FAM117B: variants seen among roughly 807,000 people sequenced by gnomAD.
FAM117B encodes protein FAM117B.
FAM117B carries 22 observed loss-of-function variants against 52.8 expected under a neutral mutation model. The ratio of observed to expected loss-of-function variants is 0.42; its 90% CI spans 0.30 to 0.59. FAM117B has a LOEUF of 0.59. Among genes scored for constraint, FAM117B ranks in the 20% least tolerant of loss-of-function variants. The pLI, the probability that FAM117B is intolerant of heterozygous loss-of-function variation, is 0.22. For missense variants in FAM117B, 678 were observed against 802.6 expected (o/e 0.84, Z 1.88); for synonymous variants, 309 against 324.1 (o/e 0.95, Z 0.50).
At chr2:202,706,512 A>C (rs1690870497) in intron 2 of FAM117B, among the ~76,000 whole-genome samples, 1 of 152,230 alleles carries the variant, frequency 6.6e-6, no homozygotes, top group South Asian at 2.1e-4. Context: ...TGATTAAAAC[A>C]ATAAAAGTTG....
chr2:202,691,831 G>C (rs533181351), intron 1 of FAM117B, among the ~76,000 whole-genome samples: 1 of 152,252 alleles, frequency 6.6e-6, no homozygotes, highest in African/African-American at 2.4e-5. Context: ...AGTTAATAAT[G>C]TGGGTACATA....
intron 1 of FAM117B, among the ~76,000 whole-genome samples, chr2:202,674,729 C>G (rs1690350042): frequency 6.6e-6 from 1 of 152,216 alleles, no homozygotes; most frequent in Non-Finnish European, 1.5e-5. Context: ...AAATACAAGT[C>G]TAATTGTCAT....
At position 202,635,226 on chromosome 2, in the gene FAM117B, G is replaced by A. The variant is rs193178985; in HGVS notation, c.39G>A (p.Pro13=). ...TGAGGCGCAATGGGTCCCCCACGCC[G>A]GCCGGCTCCCTTGGGGGTGGTGCGG... The part of the protein sequence containing the change: ...QRVRRNGSPT[P]AGSLGGGAVA... Residue 13 remains proline (P), a synonymous_variant, in exon 1 of 8, where the codon CCG becomes CCA. Transcript: ENST00000392238. The A allele has an allele frequency of 9.5e-3, 12,354 of 1,306,924 alleles. 66 individuals are homozygous for A. Among genetic ancestry groups the A allele is most frequent in the Non-Finnish European group, 0.011 (11,007 of 1,026,580 alleles). The allele number at this position is 1,306,924 out of a possible 1,614,324, so 81.0% of individuals were successfully genotyped here.
At position 202,712,297 on chromosome 2, in the gene FAM117B, A is replaced by G. The variant is rs538946757; in HGVS notation, c.754-12620A>G. Among the ~76,000 whole-genome samples, 63 of 151,390 alleles carry G rather than the reference A, an allele frequency of 4.2e-4. No homozygotes were observed. The South Asian group carries it at 0.01, about 25-fold the overall frequency. On this transcript the variant is annotated intron_variant, in intron 2 of 7. Coordinates refer to ENST00000392238, the MANE Select transcript of FAM117B (RefSeq NM_173511.4). ...TAGGTGTTTTATTTTATTTGTAGCT[A>G]TTGTAAATGGAATTACTTTGCTGAT...
At chr2:202,637,695 C>T (rs1384830138) in intron 1 of FAM117B, among the ~76,000 whole-genome samples, 1 of 152,126 alleles carries the variant, frequency 6.6e-6, no homozygotes, top group Non-Finnish European at 1.5e-5. Flanking sequence ...TTAACCCTCA[C>T]TATAGCTTTT....
chr2:202,705,986 T>C (rs1025867687), intron 2 of FAM117B, among the ~76,000 whole-genome samples: 3 of 152,210 alleles, frequency 2.0e-5, no homozygotes, highest in Non-Finnish European at 2.9e-5. Context: ...GTGATTGATG[T>C]CTGGTTTTCT....
At chr2:202,677,531 T>G (rs1396632038) in intron 1 of FAM117B, among the ~76,000 whole-genome samples, 1 of 152,230 alleles carries the variant, frequency 6.6e-6, no homozygotes, top group East Asian at 1.9e-4. Context: ...TTTGTATTTC[T>G]CGCTAGGCTA....
intron 1 of FAM117B, among the ~76,000 whole-genome samples, chr2:202,638,572 AAAAT>A (rs72409125): frequency 0.089 from 13,559 of 151,780 alleles, 2,013 homozygotes; most frequent in African/African-American, 0.31. Flanking sequence ...CTCCCCTATC[AAAAT>A]AAATAAATAA....
rs189160009 is a variant in FAM117B at position 202,744,250 on chromosome 2, A to G, written c.961-11288A>G. 2.8e-3 allele frequency among the ~76,000 whole-genome samples: 420 copies of G among 152,372 alleles called. 3 individuals are homozygous for G. The highest frequency in any genetic ancestry group is 9.7e-3 in the African/African-American group (405 of 41,584). On this transcript the variant is annotated intron_variant, in intron 4 of 7. Transcript: ENST00000392238. The stretch of plus-strand genomic sequence containing the variant: ...TGGCTTGTGGTTCTGTAGACTGTCC[A>G]GAACCTCAGACTGCATCCACTCATG...
chr2:202,689,525 T>C (rs1690590801), intron 1 of FAM117B, among the ~76,000 whole-genome samples: 1 of 152,224 alleles, frequency 6.6e-6, no homozygotes, highest in South Asian at 2.1e-4. Context: ...ATATTTATCA[T>C]TTGTATACTT....
intron 2 of FAM117B, 84 bp downstream of exon 2, chr2:202,696,116 C>G (rs1413113691): frequency 7.0e-7 from 1 of 1,423,752 alleles, no homozygotes; most frequent in Non-Finnish European, 9.5e-7. Context: ...TTGAGTAGAA[C>G]AAACATTTAG....
intron 4 of FAM117B, among the ~76,000 whole-genome samples, chr2:202,739,447 C>A (rs1478884763): frequency 1.4e-5 from 2 of 145,704 alleles, no homozygotes; most frequent in African/African-American, 5.1e-5. Context: ...CTCCCCTCCC[C>A]TCCCCTCCCT....
chr2:202,647,113 G>C (rs1269429563), intron 1 of FAM117B, among the ~76,000 whole-genome samples: 7 of 151,668 alleles, frequency 4.6e-5, no homozygotes, highest in African/African-American at 1.7e-4. Context: ...AGACAAAATG[G>C]GATTTATTTT....
chr2:202,665,186 CTTT>C (rs1052100943), intron 1 of FAM117B, among the ~76,000 whole-genome samples: 3 of 143,580 alleles, frequency 2.1e-5, no homozygotes, highest in African/African-American at 2.5e-5. Context: ...TTTCTTTTTT[CTTT>C]TTTTTTTTTT....
At chr2:202,754,439 C>T (rs538619062) in intron 4 of FAM117B, among the ~76,000 whole-genome samples, 5 of 152,078 alleles carry the variant, frequency 3.3e-5, no homozygotes, top group Admixed American at 6.5e-5. Flanking sequence ...CTATGGCACA[C>T]GTGTACCTTT....
intron 7 of FAM117B, among the ~76,000 whole-genome samples, chr2:202,759,774 G>A (rs969898289): frequency 4.4e-4 from 66 of 151,034 alleles, no homozygotes; most frequent in Admixed American, 4.2e-3. Flanking sequence ...AGCCAGGATG[G>A]TCTCAATCTC....
intron 1 of FAM117B, among the ~76,000 whole-genome samples, chr2:202,661,871 A>G (rs942981451): frequency 3.3e-5 from 5 of 150,982 alleles, no homozygotes; most frequent in East Asian, 1.9e-4. Context: ...AGCCGAGATC[A>G]TGCCACTGCA....
chr2:202,694,614 T>C (rs962523225), intron 1 of FAM117B, among the ~76,000 whole-genome samples: 1 of 152,190 alleles, frequency 6.6e-6, no homozygotes, highest in African/African-American at 2.4e-5. Flanking sequence ...GGATGTCTTA[T>C]AACTATTATA....
At chr2:202,757,760 C>T (rs540817971) in intron 6 of FAM117B, among the ~76,000 whole-genome samples, 1 of 152,270 alleles carries the variant, frequency 6.6e-6, no homozygotes, top group South Asian at 2.1e-4. Context: ...TCTCTGTCAC[C>T]TGATAGTCAT....
Sources: gnomAD v4.1 joint callset for allele counts (sites outside exome capture counted in the v4.1 genomes callset) on GRCh38, gnomAD v4.1.1 for gene constraint, MANE v1.5 for transcripts, NCBI Gene and HGNC (gene_info 2026-07-23, HGNC 2026-07-21) for gene names.